The following DCC variants were observed in gnomAD, a reference collection of about 807,000 sequenced individuals.
DCC encodes the protein DCC netrin 1 receptor.
DCC carries 58 observed loss-of-function variants against 172.5 expected under a neutral mutation model. The observed-to-expected ratio is 0.34, with a 90% CI of 0.27 to 0.42. The LOEUF is 0.42. Among genes scored for constraint, DCC ranks in the 10% least tolerant of loss-of-function variants. The pLI is 1.00. For missense variants in DCC, 1,740 were observed against 1,791.0 expected, an observed-to-expected ratio of 0.97 and a Z score of 0.51; for synonymous variants, 709 against 644.5, an observed-to-expected ratio of 1.10 and a Z score of -1.52.
In DCC at chr18:52,445,766, C is replaced by G. The variant is rs189288537; in HGVS notation, c.91+104888C>G. Reference sequence around the variant, plus strand: ...GTAGCCCTCAAATATTTATACCAAACTCTTCATTTTTTAATAAGTGGCCCC... The same window carrying G: ...GTAGCCCTCAAATATTTATACCAAAGTCTTCATTTTTTAATAAGTGGCCCC... On this transcript the variant is annotated intron_variant, in intron 1 of 28. Coordinates refer to ENST00000442544, the MANE Select transcript of DCC (RefSeq NM_005215.4). 4.1e-3 allele frequency among the ~76,000 whole-genome samples: 618 copies of G among 152,236 alleles called. 16 individuals carry two copies. Among genetic ancestry groups the G allele is most frequent in the Non-Finnish European group, 1.3e-3 (87 of 68,024 alleles).
chr18:52,437,890 T>TCAG (rs1987847512), intron 1 of DCC, among the ~76,000 whole-genome samples: 1 of 152,182 alleles, frequency 6.6e-6, no homozygotes, highest in Non-Finnish European at 1.5e-5. Flanking sequence ...CAGAAATCAC[T>TCAG]CAGCTTAAGA....
intron 8 of DCC, among the ~76,000 whole-genome samples, chr18:53,172,812 T>C (rs1292618786): frequency 6.6e-6 from 1 of 152,140 alleles, no homozygotes. Context: ...AGAAGTTCCT[T>C]ATTTTTCCAC....
chr18:52,642,140 C>T (rs1001732199), intron 1 of DCC, among the ~76,000 whole-genome samples: 2 of 150,566 alleles, frequency 1.3e-5, no homozygotes, highest in African/African-American at 4.9e-5. Context: ...ACTATGCAGC[C>T]ATAAAAAGGA....
At chr18:52,734,788 C>A (rs1420831070) in intron 1 of DCC, among the ~76,000 whole-genome samples, 1 of 152,114 alleles carries the variant, frequency 6.6e-6, no homozygotes, top group East Asian at 1.9e-4. Flanking sequence ...AAAAAAGTTA[C>A]CATTATCTAT....
At chr18:52,821,903 G>A (rs987133705) in intron 2 of DCC, among the ~76,000 whole-genome samples, 3 of 152,158 alleles carry the variant, frequency 2.0e-5, no homozygotes, top group African/African-American at 7.2e-5. Flanking sequence ...ATGTATTTGA[G>A]TAACAGGCAC....
chr18:53,080,511 G>A (rs764599995), intron 7 of DCC, among the ~76,000 whole-genome samples: 2 of 152,076 alleles, frequency 1.3e-5, no homozygotes, highest in Admixed American at 6.6e-5. Flanking sequence ...TGAAGCAAAG[G>A]AAGTAAATAT....
chr18:53,122,878 C>T (rs954373379), intron 7 of DCC, among the ~76,000 whole-genome samples: 2 of 152,022 alleles, frequency 1.3e-5, no homozygotes, highest in Non-Finnish European at 2.9e-5. Flanking sequence ...TCACTCTAAC[C>T]ATTTTATCTC....
At chr18:52,543,683 A>G (rs979273613) in intron 1 of DCC, among the ~76,000 whole-genome samples, 5 of 152,176 alleles carry the variant, frequency 3.3e-5, no homozygotes, top group Admixed American at 1.3e-4. Context: ...CCACTCTCGT[A>G]TGAAGTATAA....
At chr18:52,609,771 G>A (rs1441044381) in intron 1 of DCC, among the ~76,000 whole-genome samples, 1 of 151,654 alleles carries the variant, frequency 6.6e-6, no homozygotes, top group Admixed American at 6.6e-5. Flanking sequence ...TTTTGGTTTG[G>A]AAATTATAGG....
intron 5 of DCC, among the ~76,000 whole-genome samples, chr18:53,057,806 A>G (rs2042432103): frequency 6.6e-6 from 1 of 152,154 alleles, no homozygotes; most frequent in Non-Finnish European, 1.5e-5. Context: ...CAGAAGTGGG[A>G]GAAAGCGTAA....
intron 25 of DCC, among the ~76,000 whole-genome samples, chr18:53,479,084 G>A (rs1400288109): frequency 6.6e-6 from 1 of 152,168 alleles, no homozygotes; most frequent in Non-Finnish European, 1.5e-5. Context: ...AGTGCATAGA[G>A]CCGTTCTAGT....
chr18:53,409,981 A>C (rs946554076), intron 19 of DCC, among the ~76,000 whole-genome samples: 2 of 152,224 alleles, frequency 1.3e-5, no homozygotes, highest in Admixed American at 6.5e-5. Context: ...AAGTTGTTAC[A>C]GTGATCAAAT....
chr18:52,629,028 G>A (rs1209780774), intron 1 of DCC, among the ~76,000 whole-genome samples: 3 of 152,164 alleles, frequency 2.0e-5, no homozygotes, highest in Non-Finnish European at 4.4e-5. Flanking sequence ...ATTTAAATTG[G>A]TGCAGCCGTG....
chr18:52,806,461 T>C (rs1054861468), intron 2 of DCC, among the ~76,000 whole-genome samples: 2 of 152,224 alleles, frequency 1.3e-5, no homozygotes, highest in African/African-American at 4.8e-5. Flanking sequence ...TTTACCTTTT[T>C]AGTGCCCTGA....
intron 20 of DCC, among the ~76,000 whole-genome samples, chr18:53,415,102 A>G (rs1457969906): frequency 1.3e-5 from 2 of 152,164 alleles, no homozygotes; most frequent in African/African-American, 4.8e-5. Context: ...GTGCTGCTTT[A>G]TTTAGAAAAA....
At chr18:53,171,792 C>CA (rs2055017760) in intron 8 of DCC, among the ~76,000 whole-genome samples, 1 of 151,636 alleles carries the variant, frequency 6.6e-6, no homozygotes, top group East Asian at 1.9e-4. Flanking sequence ...CATCACTAAT[C>CA]GTCAGAAATG....
chr18:53,294,697 T>G (rs547526377), intron 12 of DCC, among the ~76,000 whole-genome samples: 30 of 152,140 alleles, frequency 2.0e-4, no homozygotes, highest in Non-Finnish European at 3.5e-4. Context: ...AGAAATACTG[T>G]TACAAGAGCT....
chr18:52,908,572 T>C (rs1376112026), intron 3 of DCC, among the ~76,000 whole-genome samples: 6 of 151,912 alleles, frequency 3.9e-5, no homozygotes, highest in Non-Finnish European at 7.4e-5. Flanking sequence ...TATTAAGGAA[T>C]CAAGTTGAAC....
At chr18:52,369,688 A>C (rs1985033449) in intron 1 of DCC, among the ~76,000 whole-genome samples, 1 of 151,992 alleles carries the variant, frequency 6.6e-6, no homozygotes, top group Non-Finnish European at 1.5e-5. Context: ...ATCTGTATTG[A>C]AATATCAGCA....
Sources: allele counts gnomAD v4.1 joint callset (sites outside exome capture counted in the v4.1 genomes callset), GRCh38; gene constraint gnomAD v4.1.1; transcripts MANE v1.5; gene names NCBI Gene and HGNC (gene_info 2026-07-23, HGNC 2026-07-21).